The following NACA variants were observed in gnomAD, a reference collection of about 807,000 sequenced individuals.
NACA encodes nascent polypeptide associated complex subunit alpha.
Under a neutral mutation model 86.4 loss-of-function variants are expected in NACA, and 42 were observed. The observed-to-expected ratio is 0.49, with a 90% CI of 0.38 to 0.63. The LOEUF is 0.63. NACA is among the 20% of genes least tolerant of loss of function. The pLI is 0.00. For synonymous variants in NACA, 898 were observed against 973.7 expected (o/e 0.92, Z 1.45); for missense variants, 2,157 against 2,483.6 (o/e 0.87, Z 2.80).
chr12:56,713,165 T>G lies in NACA; in HGVS notation c.5996A>C (p.Gln1999Pro). 6.2e-7 allele frequency: 1 copy of G among 1,614,176 alleles called. No homozygotes were observed. Among genetic ancestry groups the G allele is most frequent in the Non-Finnish European group, 8.5e-7 (1 of 1,180,014 alleles). Residue 1999 changes from glutamine (Q) to proline (P), a missense_variant, in exon 7 of 9, where the codon CAA becomes CCA. By Grantham distance (76) the Gln-to-Pro change is moderately conservative. Around this residue, in one of 8 missense-constraint regions of NACA, gnomAD observed 81 missense variants for 200.6 expected, o/e 0.40. Transcript: ENST00000454682. ...AKIEDLSQQA[Q>P]LAAAEKFKVQ... ...TTTGAATTTCTCAGCAGCTGCTAGT[T>G]GTGCTTGCTGGGATAAATCTTCGAT...
intron 3 of NACA, among the ~76,000 whole-genome samples, chr12:56,715,252 A>G (rs1953320067): frequency 6.6e-6 from 1 of 152,202 alleles, no homozygotes; most frequent in Non-Finnish European, 1.5e-5. Flanking sequence ...GAAGATTCTC[A>G]ATGATGATGA....
chr12:56,715,539 T>C (rs1007927641), intron 3 of NACA, among the ~76,000 whole-genome samples: 3 of 152,084 alleles, frequency 2.0e-5, no homozygotes, highest in African/African-American at 7.2e-5. Flanking sequence ...TGGTAGGGAT[T>C]AGAGCAAATG....
chr12:56,713,524 A>G lies in NACA; in HGVS notation c.5970+13T>C, dbSNP rs1953271224. On this transcript the variant is annotated intron_variant, in intron 6 of 8. Transcript: ENST00000454682. ...CCCTGGTCTGGAACAATGCCCAAGA[A>G]AAGTTTACTCACCTTGGCTTCCCCA... 1.2e-6 allele frequency: 2 copies of G among 1,613,004 alleles called. No homozygotes were observed. The highest frequency in any genetic ancestry group is 2.7e-5 in the African/African-American group (2 of 74,856).
chr12:56,717,694 G>T lies in NACA; in HGVS notation c.3836C>A (p.Ala1279Asp). The T allele has an allele frequency of 8.7e-7, 1 of 1,156,058 alleles. No individual in the cohort carries two copies. Among genetic ancestry groups the T allele is most frequent in the Non-Finnish European group, 1.1e-6 (1 of 924,132 alleles). 71.6% of individuals were successfully genotyped at this position (1,156,058 alleles called of 1,614,324 possible). ...GGGGGCCCCTTTGTGGGGTGGGGTAGCTAGACCTCCTTTTAGGGAGGGAGG... is the reference window on the plus strand; with the variant it reads ...GGGGGCCCCTTTGTGGGGTGGGGTATCTAGACCTCCTTTTAGGGAGGGAGG... Reference protein sequence around the residue: ...ATPPSLKGGLATPPHKGAPNP... With the variant: ...ATPPSLKGGLDTPPHKGAPNP... The change falls in exon 3 of 9, where the codon GCT (alanine) becomes GAT (aspartate). Residue 1279 changes from alanine (A) to aspartate (D), a missense_variant. This residue lies in a region of NACA where 797 missense variants were observed against 777.6 expected (regional missense o/e 1.02). Transcript: ENST00000454682.
chr12:56,712,748 G>C, intron 8 of NACA, 38 bp downstream of exon 8: 1 of 1,613,976 alleles, frequency 6.2e-7, no homozygotes, highest in Non-Finnish European at 8.5e-7. Flanking sequence ...AATTGGTCAG[G>C]GCAGAGGGAG....
chr12:56,717,270 G>A lies in NACA; in HGVS notation c.4260C>T (p.Val1420=). 1 of 1,339,284 alleles carries A rather than the reference G, an allele frequency of 7.5e-7. No homozygotes were observed. Among genetic ancestry groups the A allele is most frequent in the Non-Finnish European group, 9.8e-7 (1 of 1,022,684 alleles). The allele number at this position is 1,339,284 out of a possible 1,614,324, so 83.0% of individuals were successfully genotyped here. The change falls in exon 3 of 9, where the codon GTC becomes GTT. Residue 1420 remains valine, a synonymous_variant. Coordinates refer to ENST00000454682, the MANE Select transcript of NACA (RefSeq NM_001365896.1). ...ATGGGGTGGCTGCGCCTTCTCTGGT[G>A]ACTGGAGTTGCTGGAGCCTTTTTGG... ...LSPKKAPATP[V]TREGAATPSK...
At position 56,720,017 on chromosome 12, in the gene NACA, C is replaced by T. The variant is rs1384080406; in HGVS notation, c.1513G>A (p.Val505Ile). Reference sequence around the variant, plus strand: ...TCAGGGTCTGGCAGAGGAGGAGAGACTGGTATCCTCAGAGTGGTTGCTACT... The same window carrying T: ...TCAGGGTCTGGCAGAGGAGGAGAGATTGGTATCCTCAGAGTGGTTGCTACT... The part of the protein sequence containing the change: ...TQVATTLRIP[V>I]SPPLPDPEDL... Residue 505 changes from valine (V) to isoleucine (I), a missense_variant, in exon 3 of 9, where the codon GTC becomes ATC. Val to Ile is a conservative substitution (Grantham distance 29, BLOSUM62 3). Transcript: ENST00000454682. 5.0e-6 allele frequency: 8 copies of T among 1,613,658 alleles called. No individual in the cohort carries two copies. Among genetic ancestry groups the T allele is most frequent in the Non-Finnish European group, 5.9e-6 (7 of 1,179,858 alleles).
Position 56,720,597 on chromosome 12 carries a change from A to C in NACA, c.933T>G (p.Pro311=). Residue 311 remains proline, a synonymous_variant, in exon 3 of 9, where the codon CCT becomes CCG. Coordinates refer to ENST00000454682, the MANE Select transcript of NACA (RefSeq NM_001365896.1). The part of the protein sequence containing the change: ...FPISLGSHLA[P]LHQSSFGSVQ... Reference sequence around the variant, plus strand: ...CAGAACCAAAAGAACTCTGATGTAAAGGTGCAAGATGAGAGCCCAGAGAAA... The same window carrying C: ...CAGAACCAAAAGAACTCTGATGTAACGGTGCAAGATGAGAGCCCAGAGAAA... 6.2e-7 allele frequency: 1 copy of C among 1,614,002 alleles called. No individual in the cohort carries two copies.
At position 56,718,422 on chromosome 12, in the gene NACA, T is replaced by C. The variant is rs768959574; in HGVS notation, c.3108A>G (p.Pro1036=). The change falls in exon 3 of 9, where the codon CCA becomes CCG. Residue 1036 remains proline (P), a synonymous_variant. Coordinates refer to ENST00000454682, the MANE Select transcript of NACA (RefSeq NM_001365896.1). ...CTTTGGGGGAGGGAGGAGTTGCAGCTGGGGGTGTGGATGCCCCTTTGGGGA... is the reference window on the plus strand; with the variant it reads ...CTTTGGGGGAGGGAGGAGTTGCAGCCGGGGGTGTGGATGCCCCTTTGGGGA... ...TPFPKGASTP[P]AATPPSPKGS... 6.9e-6 allele frequency: 8 copies of C among 1,158,896 alleles called. 1 individual carries two copies. Among genetic ancestry groups the C allele is most frequent in the Admixed American group, 4.3e-5 (1 of 23,100 alleles). 71.8% of individuals were successfully genotyped at this position (1,158,896 alleles called of 1,614,324 possible).
intron 8 of NACA, 71 bp downstream of exon 8, chr12:56,712,715 C>G: frequency 6.2e-7 from 1 of 1,607,478 alleles, no homozygotes; most frequent in Non-Finnish European, 8.5e-7. Context: ...TGATATTTAG[C>G]AAGACAAAAT....
Position 56,716,383 on chromosome 12 carries a change from A to G in NACA, c.5147T>C (p.Ile1716Thr), listed in dbSNP as rs1953362106. 2 of 1,609,760 alleles carry G rather than the reference A, an allele frequency of 1.2e-6. No homozygotes were observed. The highest frequency in any genetic ancestry group is 1.7e-6 in the Non-Finnish European group (2 of 1,177,856). The change falls in exon 3 of 9, where the codon ATA (isoleucine) becomes ACA (threonine). Residue 1716 changes from isoleucine to threonine, a missense_variant. Coordinates refer to ENST00000454682, the MANE Select transcript of NACA (RefSeq NM_001365896.1). Reference protein sequence around the residue: ...TKKSSATSPPICPDPSAKNGS... With the variant: ...TKKSSATSPPTCPDPSAKNGS... Reference sequence around the variant, plus strand: ...ATTCTTAGCTGAGGGATCTGGGCATATAGGAGGTGAAGTAGCAGAACTCTT... The same window carrying G: ...ATTCTTAGCTGAGGGATCTGGGCATGTAGGAGGTGAAGTAGCAGAACTCTT...
Position 56,717,732 on chromosome 12 carries a change from G to C in NACA, c.3798C>G (p.Pro1266=). ...TTAGGGAGGGAGGAGTTGCAGCTGG[G>C]GGAGTGGGGGCCCCTTTGGGGGGTG... The part of the protein sequence containing the change: ...ATPPPKGAPT[P]PAATPPSLKG... The change falls in exon 3 of 9, where the codon CCC becomes CCG. Residue 1266 remains proline, a synonymous_variant. Transcript: ENST00000454682. 8.6e-7 allele frequency: 1 copy of C among 1,164,580 alleles called. No homozygotes were observed. Among genetic ancestry groups the C allele is most frequent in the Non-Finnish European group, 1.1e-6 (1 of 931,010 alleles). 72.1% of individuals were successfully genotyped at this position (1,164,580 alleles called of 1,614,324 possible). A position where few individuals can be genotyped will look rare whatever the true frequency, so the allele number is the denominator to read the frequency against.
chr12:56,713,235 T>C (rs766995886), intron 6 of NACA, 45 bp from the exon 7 acceptor site: 3 of 1,598,124 alleles, frequency 1.9e-6, no homozygotes, highest in Admixed American at 1.7e-5. Context: ...ATTAGCAGTC[T>C]TTGAAAAATA....
Position 56,720,777 on chromosome 12 carries a change from A to G in NACA, c.753T>C (p.Ile251=), listed in dbSNP as rs532587307. ...IASPQVKDTT[I]SSVLISPQNP... ...TTTGTGGAGAAATCAGAACTGAGGA[A>G]ATGGTGGTATCTTTGACTTGAGGGG... The change falls in exon 3 of 9, where the codon ATT becomes ATC. Residue 251 remains isoleucine, a synonymous_variant. Coordinates refer to ENST00000454682, the MANE Select transcript of NACA (RefSeq NM_001365896.1). The G allele has an allele frequency of 1.2e-6, 2 of 1,613,968 alleles. No individual in the cohort carries two copies. Among genetic ancestry groups the G allele is most frequent in the Non-Finnish European group, 1.7e-6 (2 of 1,179,884 alleles).
rs375012026 is a variant in NACA at position 56,716,528 on chromosome 12, C to T, written c.5002G>A (p.Ala1668Thr). The change falls in exon 3 of 9, where the codon GCA becomes ACA. Residue 1668 changes from alanine to threonine, a missense_variant. Coordinates refer to ENST00000454682, the MANE Select transcript of NACA (RefSeq NM_001365896.1). ...TTCTTTGCTGGAAGCCCTTTAGATG[C>T]TTGAGGAACAGTGGCCCCCATTTTA... ...TCKMGATVPQ[A>T]SKGLPAKKGP... 13 of 1,482,596 alleles carry T rather than the reference C, an allele frequency of 8.8e-6. No individual in the cohort carries two copies. The highest frequency in any genetic ancestry group is 1.2e-5 in the Non-Finnish European group (13 of 1,095,758). The allele number at this position is 1,482,596 out of a possible 1,614,324, so 91.8% of individuals were successfully genotyped here. A position where few individuals can be genotyped will look rare whatever the true frequency, so the allele number is the denominator to read the frequency against.
At position 56,713,100 on chromosome 12, in the gene NACA, G is replaced by C; in HGVS notation, c.6061C>G (p.Gln2021Glu). Reference protein sequence around the residue: ...EAVSNIQENTQTPTVQEESEE... With the variant: ...EAVSNIQENTETPTVQEESEE... The stretch of plus-strand genomic sequence containing the variant: ...CTCTCCTCTTGTACAGTTGGAGTCT[G>C]TGTGTTTTCTTGAATGTTTGAGACA... The change falls in exon 7 of 9, where the codon CAG becomes GAG. Residue 2021 changes from glutamine to glutamate, a missense_variant. This residue lies in a region of NACA where 81 missense variants were observed against 200.6 expected (regional missense o/e 0.40). Transcript: ENST00000454682. The C allele has an allele frequency of 6.2e-7, 1 of 1,613,970 alleles. No homozygotes were observed. The highest frequency in any genetic ancestry group is 8.5e-7 in the Non-Finnish European group (1 of 1,179,966).
At position 56,719,629 on chromosome 12, in the gene NACA, G is replaced by T; in HGVS notation, c.1901C>A (p.Pro634Gln). ...DSYAGPDSAGPLLKSSLITPT... is the reference protein window; with the variant it reads ...DSYAGPDSAGQLLKSSLITPT... ...GGTAATGAGAGAACTTTTGAGAAGCGGACCAGCAGAGTCTGGGCCTGCATA... is the reference window on the plus strand; with the variant it reads ...GGTAATGAGAGAACTTTTGAGAAGCTGACCAGCAGAGTCTGGGCCTGCATA... The change falls in exon 3 of 9, where the codon CCG becomes CAG. Residue 634 changes from proline (P) to glutamine (Q), a missense_variant. Coordinates refer to ENST00000454682, the MANE Select transcript of NACA (RefSeq NM_001365896.1). The T allele has an allele frequency of 6.2e-7, 1 of 1,613,846 alleles. No individual in the cohort carries two copies. The highest frequency in any genetic ancestry group is 8.5e-7 in the Non-Finnish European group (1 of 1,179,830).
At chr12:56,713,298 A>C (rs769979002) in intron 6 of NACA, 108 bp from the exon 7 acceptor site, 1 of 1,392,220 alleles carries the variant, frequency 7.2e-7, no homozygotes, top group Non-Finnish European at 9.8e-7. Context: ...CTTATTGTAC[A>C]GCTTTAAACT....
In NACA at chr12:56,716,313, G is replaced by A. The variant is rs1242643990; in HGVS notation, c.5217C>T (p.Leu1739=). The A allele has an allele frequency of 6.2e-7, 1 of 1,612,990 alleles. No individual in the cohort carries two copies. The highest frequency in any genetic ancestry group is 8.5e-7 in the Non-Finnish European group (1 of 1,179,782). Reference sequence around the variant, plus strand: ...TCTTTGAAGAGTCTTTCTGAACAGGGAGTAGAGGGGCTGGAGCCACTGTGG... The same window carrying A: ...TCTTTGAAGAGTCTTTCTGAACAGGAAGTAGAGGGGCTGGAGCCACTGTGG... ...PLSTVAPAPL[L]PVQKDSSKTA... Residue 1739 remains leucine, a synonymous_variant, in exon 3 of 9, where the codon CTC becomes CTT. Transcript: ENST00000454682.
Sources: allele counts gnomAD v4.1 joint callset (sites outside exome capture counted in the v4.1 genomes callset), GRCh38; gene constraint gnomAD v4.1.1; regional missense constraint gnomAD v4.1.1; transcripts MANE v1.5; gene names NCBI Gene and HGNC (gene_info 2026-07-23, HGNC 2026-07-21).